Variants in AGMO observed in about 807,000 individuals in gnomAD.
AGMO encodes glyceryl-ether monooxygenase.
In AGMO, 75 loss-of-function variants were observed where a neutral mutation model predicts 60.2. That is an observed-to-expected ratio of 1.25 (90% CI 1.03 to 1.51). The LOEUF is 1.51. AGMO is among the 40% of genes most tolerant of loss of function. The pLI is 0.00. For synonymous variants in AGMO, 261 were observed against 177.1 expected, an observed-to-expected ratio of 1.47 and a Z score of -3.76; for missense variants, 763 against 525.5, an observed-to-expected ratio of 1.45 and a Z score of -4.42.
chr7:15,467,110 G>A (rs1350862697), intron 3 of AGMO, among the ~76,000 whole-genome samples: 1 of 152,156 alleles, frequency 6.6e-6, no homozygotes, highest in Admixed American at 6.6e-5. Context: ...AACAAAGAGT[G>A]AAAGAATGTA....
intron 12 of AGMO, among the ~76,000 whole-genome samples, chr7:15,220,190 G>A (rs940150637): frequency 2.1e-5 from 3 of 142,736 alleles, no homozygotes; most frequent in East Asian, 2.0e-4. Flanking sequence ...AACATCTTAT[G>A]TGTCCACCTG....
At chr7:15,308,621 G>C (rs546187606) in intron 12 of AGMO, among the ~76,000 whole-genome samples, 48 of 152,166 alleles carry the variant, frequency 3.2e-4, no homozygotes, top group African/African-American at 1.1e-3. Context: ...TTTTTCACCA[G>C]AGCAATGTTT....
At chr7:15,406,151 A>G (rs1170187514) in intron 5 of AGMO, among the ~76,000 whole-genome samples, 1 of 151,520 alleles carries the variant, frequency 6.6e-6, no homozygotes, top group Non-Finnish European at 1.5e-5. Context: ...TTCTCAAAGG[A>G]GGGTGTGATC....
rs117145553 is a variant in AGMO at position 15,337,607 on chromosome 7, T to C, written c.1263+27907A>G. 6.6e-4 allele frequency among the ~76,000 whole-genome samples: 100 copies of C among 152,254 alleles called. 1 individual carries two copies. The East Asian group carries it at 0.018, about 28-fold the overall frequency. On this transcript the variant is annotated intron_variant, in intron 12 of 12. Coordinates refer to ENST00000342526, the MANE Select transcript of AGMO (RefSeq NM_001004320.2). ...TATGTAGAGAAGAGGTCATTACAAT[T>C]CTGCCTGGGAAAATGAGAGGGCCAA...
chr7:15,240,763 A>T (rs749332154), intron 12 of AGMO, among the ~76,000 whole-genome samples: 2 of 152,180 alleles, frequency 1.3e-5, no homozygotes, highest in Non-Finnish European at 2.9e-5. Flanking sequence ...AATAAATACC[A>T]ACAATTCCTG....
intron 12 of AGMO, among the ~76,000 whole-genome samples, chr7:15,361,635 G>C (rs2128559521): frequency 6.7e-6 from 1 of 150,100 alleles, no homozygotes; most frequent in Admixed American, 6.6e-5. Flanking sequence ...GAAAGAGAGA[G>C]AGAAAGAATA....
At chr7:15,138,444 T>G in the AGMO span, among the ~76,000 whole-genome samples, 1 of 152,216 alleles carries the variant, frequency 6.6e-6, no homozygotes, top group Admixed American at 6.5e-5. Context: ...ATCCTAAATA[T>G]TGTTTGTATT....
chr7:15,141,661 C>T, the AGMO span, among the ~76,000 whole-genome samples: 1 of 152,078 alleles, frequency 6.6e-6, no homozygotes. Context: ...TTCTCTAAGA[C>T]CATTAAAGCA....
chr7:15,387,780 G>C (rs958157171), intron 8 of AGMO, among the ~76,000 whole-genome samples: 1 of 152,032 alleles, frequency 6.6e-6, no homozygotes, highest in Non-Finnish European at 1.5e-5. Context: ...ATTTTGAAAT[G>C]TAAAAACAGG....
chr7:15,513,872 C>A (rs34354438), intron 3 of AGMO, among the ~76,000 whole-genome samples: 2,458 of 152,264 alleles, frequency 0.016, 56 homozygotes, highest in African/African-American at 0.056. Context: ...CAGGACTTCA[C>A]GCCACCACCC....
At chr7:15,280,556 C>T (rs763446236) in intron 12 of AGMO, among the ~76,000 whole-genome samples, 6 of 152,152 alleles carry the variant, frequency 3.9e-5, no homozygotes, top group East Asian at 1.9e-4. Flanking sequence ...GGCAGCTCTA[C>T]GGCCCCACCT....
At chr7:15,244,401 T>C (rs1263325038) in intron 12 of AGMO, among the ~76,000 whole-genome samples, 1 of 152,146 alleles carries the variant, frequency 6.6e-6, no homozygotes, top group Non-Finnish European at 1.5e-5. Flanking sequence ...ATCTTTTTTA[T>C]CTCACGTCTG....
intron 5 of AGMO, among the ~76,000 whole-genome samples, chr7:15,411,125 C>T (rs1780580842): frequency 6.6e-6 from 1 of 151,904 alleles, no homozygotes; most frequent in Admixed American, 6.6e-5. Context: ...GATAAATTTG[C>T]ACCCTATTTG....
At chr7:15,260,258 T>C (rs1308686442) in intron 12 of AGMO, among the ~76,000 whole-genome samples, 6 of 150,804 alleles carry the variant, frequency 4.0e-5, no homozygotes, top group African/African-American at 1.5e-4. Context: ...TCTGCTGTCT[T>C]CAGGAGACTC....
At chr7:15,399,152 T>A (rs1784484245) in intron 5 of AGMO, among the ~76,000 whole-genome samples, 1 of 152,204 alleles carries the variant, frequency 6.6e-6, no homozygotes, top group African/African-American at 2.4e-5. Context: ...TATTGTATTC[T>A]GTAAGTTGTT....
At chr7:15,433,531 T>A (rs945497973) in intron 3 of AGMO, among the ~76,000 whole-genome samples, 4 of 152,154 alleles carry the variant, frequency 2.6e-5, no homozygotes, top group African/African-American at 9.6e-5. Context: ...ATGCATTTTA[T>A]GGAAAGTTAT....
intron 3 of AGMO, among the ~76,000 whole-genome samples, chr7:15,471,531 T>C (rs1273973219): frequency 6.6e-6 from 1 of 151,900 alleles, no homozygotes; most frequent in Non-Finnish European, 1.5e-5. Flanking sequence ...TAGAGGAGAA[T>C]CTGTATTCTT....
intron 5 of AGMO, among the ~76,000 whole-genome samples, chr7:15,411,934 A>G (rs1037853360): frequency 5.9e-5 from 9 of 152,104 alleles, no homozygotes; most frequent in African/African-American, 2.2e-4. Context: ...ATACTCTTAG[A>G]CTTCCATTAA....
chr7:15,181,229 T>A, the AGMO span, among the ~76,000 whole-genome samples: 1 of 152,200 alleles, frequency 6.6e-6, no homozygotes, highest in Admixed American at 6.5e-5. Context: ...TCACTTTTCC[T>A]TTCTAAGGAG....
Sources: gnomAD v4.1 joint callset for allele counts (sites outside exome capture counted in the v4.1 genomes callset) on GRCh38, gnomAD v4.1.1 for gene constraint, MANE v1.5 for transcripts, NCBI Gene and HGNC (gene_info 2026-07-23, HGNC 2026-07-21) for gene names.